Variants in GPR75 observed in about 807,000 individuals in gnomAD.
GPR75 encodes G protein-coupled receptor 75.
A neutral mutation model predicts 26.0 loss-of-function variants in GPR75; 27 were observed. That is an observed-to-expected ratio of 1.04 (90% CI 0.77 to 1.43). The LOEUF (loss-of-function observed/expected upper bound fraction) is 1.43, where lower values mean the gene tolerates loss of function less well. GPR75 is among the 40% of genes most tolerant of loss of function. The probability of loss-of-function intolerance (pLI) is 0.00; values close to 1 mark genes in which losing one functional copy is unlikely to be tolerated. For missense variants in GPR75, 699 were observed against 662.3 expected, an observed-to-expected ratio of 1.06 and a Z score of -0.61; for synonymous variants, 285 against 256.3, an observed-to-expected ratio of 1.11 and a Z score of -1.07.
At chr2:53,856,366 A>G (rs1678226348) in intron 1 of GPR75, among the ~76,000 whole-genome samples, 1 of 152,196 alleles carries the variant, frequency 6.6e-6, no homozygotes, top group African/African-American at 2.4e-5. Context: ...TTGACAACCA[A>G]AAAGGGTTTG....
chr2:53,859,225 CTGTA>C (rs1258628286), intron 1 of GPR75, among the ~76,000 whole-genome samples: 2 of 151,776 alleles, frequency 1.3e-5, no homozygotes, highest in Admixed American at 6.6e-5. Flanking sequence ...GAGCAAGGTT[CTGTA>C]TTATTGTGAT....
At chr2:53,859,211 C>G (rs1317356383) in intron 1 of GPR75, among the ~76,000 whole-genome samples, 1 of 151,872 alleles carries the variant, frequency 6.6e-6, no homozygotes, top group East Asian at 1.9e-4. Flanking sequence ...CTAATCCTCA[C>G]AGAGAGCAAG....
intron 1 of GPR75, among the ~76,000 whole-genome samples, chr2:53,858,797 C>T (rs1294867135): frequency 1.3e-5 from 2 of 152,014 alleles, no homozygotes; most frequent in Non-Finnish European, 2.9e-5. Context: ...ATGTTATTTG[C>T]AATGCAAACA....
chr2:53,853,707 C>T lies in GPR75; in HGVS notation c.1050G>A (p.Gly350=). 6.2e-7 allele frequency: 1 copy of T among 1,613,330 alleles called. No homozygotes were observed. The highest frequency in any genetic ancestry group is 8.5e-7 in the Non-Finnish European group (1 of 1,179,346). ...SLVQVVLSSN[G]SFILYQFELF... is the part of the protein sequence containing the mutation. ...ATTCAAACTGGTAAAGAATGAAGCTCCCATTGCTGGAGAGAACCACCTGTA... is the reference window on the plus strand; with the variant it reads ...ATTCAAACTGGTAAAGAATGAAGCTTCCATTGCTGGAGAGAACCACCTGTA... Residue 350 remains glycine, a synonymous_variant, in exon 2 of 2, where the codon GGG becomes GGA. Coordinates refer to ENST00000394705, the MANE Select transcript of GPR75 (RefSeq NM_006794.4).
At chr2:53,857,400 C>T (rs575456521) in intron 1 of GPR75, among the ~76,000 whole-genome samples, 4 of 152,006 alleles carry the variant, frequency 2.6e-5, no homozygotes, top group African/African-American at 9.7e-5. Context: ...TGTCTCTAAC[C>T]CCCTTATCTC....
In GPR75 at chr2:53,853,634, T is replaced by A. The variant is rs142875556; in HGVS notation, c.1123A>T (p.Ile375Leu). The change falls in exon 2 of 2, where the codon ATA becomes TTA. Residue 375 changes from isoleucine (I) to leucine (L), a missense_variant. Physicochemically the swap from Ile to Leu is conservative, Grantham distance 5. Transcript: ENST00000394705. ...IFFKSGLNPF[I>L]YSRNSAGLRR... ...AGCCCTGCACTGTTCCGAGAATATA[T>A]AAAAGGGTTTAATCCTGACTTGAAA... 1.4e-5 allele frequency: 22 copies of A among 1,613,924 alleles called. No individual in the cohort carries two copies. The highest frequency in any genetic ancestry group is 1.8e-5 in the Non-Finnish European group (21 of 1,179,934).
At chr2:53,858,778 A>C (rs1678300124) in intron 1 of GPR75, among the ~76,000 whole-genome samples, 1 of 152,156 alleles carries the variant, frequency 6.6e-6, no homozygotes, top group African/African-American at 2.4e-5. Flanking sequence ...TATTCAATAA[A>C]GATTACCCAT....
chr2:53,858,691 G>A (rs1678298141), intron 1 of GPR75, among the ~76,000 whole-genome samples: 1 of 152,072 alleles, frequency 6.6e-6, no homozygotes, highest in African/African-American at 2.4e-5. Context: ...ACCATAATTT[G>A]GAATGACATG....
chr2:53,854,587 G>C lies in GPR75; in HGVS notation c.170C>G (p.Ser57Cys). 6.2e-7 allele frequency: 1 copy of C among 1,614,014 alleles called. No individual in the cohort carries two copies. The highest frequency in any genetic ancestry group is 8.5e-7 in the Non-Finnish European group (1 of 1,179,956). Reference sequence around the variant, plus strand: ...CAAGAAGACAATGAAGTTGCCATAGGAACCCAGGCAGAAGATGACCGCCAG... The same window carrying C: ...CAAGAAGACAATGAAGTTGCCATAGCAACCCAGGCAGAAGATGACCGCCAG... ...FLLAVIFCLG[S>C]YGNFIVFLSF... is the part of the protein sequence containing the mutation. Residue 57 changes from serine to cysteine, a missense_variant, in exon 2 of 2, where the codon TCC becomes TGC. Ser to Cys is a moderately radical substitution (Grantham distance 112). Transcript: ENST00000394705.
Position 53,853,902 on chromosome 2 carries a change from G to A in GPR75, c.855C>T (p.Thr285=). The A allele has an allele frequency of 6.2e-7, 1 of 1,614,048 alleles. No homozygotes were observed. The highest frequency in any genetic ancestry group is 1.6e-4 in the Middle Eastern group (1 of 6,062). Residue 285 remains threonine (T), a synonymous_variant, in exon 2 of 2, where the codon ACC becomes ACT. Transcript: ENST00000394705. ...GGTTGGGACTCTTGGTATATCCACG[G>A]GTCTGAACGTGCTGCAGTTTGTTGT... ...QNYNKLQHVQ[T]RGYTKSPNQL...
intron 1 of GPR75, among the ~76,000 whole-genome samples, chr2:53,857,701 G>A (rs539350682): frequency 2.2e-4 from 33 of 152,026 alleles, no homozygotes; most frequent in Non-Finnish European, 4.4e-4. Context: ...CAACTTTCAC[G>A]TTTTGTACAG....
rs1209115970 is a variant in GPR75 at position 53,856,987 on chromosome 2, C to T, written c.-109-2122G>A. Among the ~76,000 whole-genome samples, 4 of 102,140 alleles carry T rather than the reference C, an allele frequency of 3.9e-5. No individual in the cohort carries two copies. The Admixed American group carries it at 4.8e-4, about 12-fold the overall frequency. The allele number at this position is 102,140 out of a possible 152,430, so 67.0% of individuals were successfully genotyped here. On this transcript the variant is annotated intron_variant, in intron 1 of 1. Coordinates refer to ENST00000394705, the MANE Select transcript of GPR75 (RefSeq NM_006794.4). The stretch of plus-strand genomic sequence containing the variant: ...TTTTTTTTTTTTTGAGACGGAGTCT[C>T]GCTCTGTCGCCCAGGCGGGACTGCG...
At position 53,853,021 on chromosome 2, in the gene GPR75, CT is replaced by C; in HGVS notation, c.*112del. 1 of 746,938 alleles carries C rather than the reference CT, an allele frequency of 1.3e-6. No homozygotes were observed. Among genetic ancestry groups the C allele is most frequent in the Non-Finnish European group, 2.2e-6 (1 of 463,518 alleles). The allele number at this position is 746,938 out of a possible 1,614,324, so 46.3% of individuals were successfully genotyped here. A position where few individuals can be genotyped will look rare whatever the true frequency, so the allele number is the denominator to read the frequency against. ...GATGAAAGAAAACCATAACTGCCAACTTTTCAGTTGAATCTTGTAGGTTTTG... is the reference window on the plus strand; with the variant it reads ...GATGAAAGAAAACCATAACTGCCAACTTTCAGTTGAATCTTGTAGGTTTTG... On this transcript the variant is annotated 3_prime_UTR_variant, in exon 2 of 2. Transcript: ENST00000394705.
At position 53,854,509 on chromosome 2, in the gene GPR75, A is replaced by G. The variant is rs1383823855; in HGVS notation, c.248T>C (p.Ile83Thr). ...GAGGTCACAGAAGGACAGGTTCAGG[A>G]TCATGAAATCAAAGTTGGTTCTGAA... ...RKFRTNFDFMILNLSFCDLFI... is the reference protein window; with the variant it reads ...RKFRTNFDFMTLNLSFCDLFI... Residue 83 changes from isoleucine to threonine, a missense_variant, in exon 2 of 2, where the codon ATC becomes ACC. Physicochemically the swap from Ile to Thr is moderately conservative, Grantham distance 89 (BLOSUM62 -1). Coordinates refer to ENST00000394705, the MANE Select transcript of GPR75 (RefSeq NM_006794.4). The G allele has an allele frequency of 6.2e-7, 1 of 1,614,082 alleles. No individual in the cohort carries two copies. The highest frequency in any genetic ancestry group is 8.5e-7 in the Non-Finnish European group (1 of 1,180,032).
At chr2:53,856,946 A>AT (rs10665107) in intron 1 of GPR75, among the ~76,000 whole-genome samples, 24,769 of 76,912 alleles carry the variant, frequency 0.32, 7,255 homozygotes, top group Middle Eastern at 0.53. Flanking sequence ...GAGAAAGACA[A>AT]TTTTTTTTTT....
chr2:53,856,946 A>ATTTTT (rs10665107), intron 1 of GPR75, among the ~76,000 whole-genome samples: 3,582 of 78,930 alleles, frequency 0.045, 686 homozygotes, highest in Non-Finnish European at 0.063. Flanking sequence ...GAGAAAGACA[A>ATTTTT]TTTTTTTTTT....
Position 53,853,781 on chromosome 2 carries a change from T to G in GPR75, c.976A>C (p.Ile326Leu). ...DSKAVVTCVI[I>L]VLSVLVCCLP... Reference sequence around the variant, plus strand: ...CAGCACACCAGGACTGACAGCACAATGATCACACAGGTGACCACGGCTTTG... The same window carrying G: ...CAGCACACCAGGACTGACAGCACAAGGATCACACAGGTGACCACGGCTTTG... The change falls in exon 2 of 2, where the codon ATT (isoleucine) becomes CTT (leucine). Residue 326 changes from isoleucine (I) to leucine (L), a missense_variant. Coordinates refer to ENST00000394705, the MANE Select transcript of GPR75 (RefSeq NM_006794.4). 2 of 1,614,154 alleles carry G rather than the reference T, an allele frequency of 1.2e-6. No homozygotes were observed. Among genetic ancestry groups the G allele is most frequent in the Non-Finnish European group, 1.7e-6 (2 of 1,180,026 alleles).
rs746060309 is a variant in GPR75 at position 53,859,937 on chromosome 2, C to T, written c.-219G>A. 6 of 1,496,120 alleles carry T rather than the reference C, an allele frequency of 4.0e-6. No individual in the cohort carries two copies. The South Asian group carries it at 7.5e-5, about 19-fold the overall frequency. The allele number at this position is 1,496,120 out of a possible 1,614,324, so 92.7% of individuals were successfully genotyped here. ...AGAGGCATCATCGCCATCGCCACCG[C>T]CTCCGCGCATCCCGGGAGCCGCGGC... On this transcript the variant is annotated 5_prime_UTR_variant, in exon 1 of 2. Transcript: ENST00000394705.
chr2:53,859,123 A>T (rs1174167953), intron 1 of GPR75, among the ~76,000 whole-genome samples: 1 of 150,770 alleles, frequency 6.6e-6, no homozygotes, highest in Non-Finnish European at 1.5e-5. Flanking sequence ...GGGCTTTCAT[A>T]AATCAACTCA....
Sources: allele counts gnomAD v4.1 joint callset (sites outside exome capture counted in the v4.1 genomes callset), GRCh38; gene constraint gnomAD v4.1.1; transcripts MANE v1.5; gene names NCBI Gene and HGNC (gene_info 2026-07-23, HGNC 2026-07-21).